POTEC: variants seen among roughly 807,000 people sequenced by gnomAD.
POTEC encodes the protein ANKRD26-like family B member 2.
Under a neutral mutation model 62.0 loss-of-function variants are expected in POTEC, and 35 were observed. The ratio of observed to expected loss-of-function variants is 0.56; its 90% CI spans 0.43 to 0.75. The LOEUF (loss-of-function observed/expected upper bound fraction) is 0.75. POTEC is among the 30% of genes least tolerant of loss of function. The probability of loss-of-function intolerance (pLI) is 0.00; values close to 1 mark genes in which losing one functional copy is unlikely to be tolerated. For synonymous variants in POTEC, 156 were observed against 221.5 expected (o/e 0.70, Z 2.62); for missense variants, 472 against 655.9 (o/e 0.72, Z 3.06).
intron 9 of POTEC, among the ~76,000 whole-genome samples, chr18:14,515,666 A>AAATC (rs1288011646): frequency 1.3e-5 from 2 of 151,098 alleles, no homozygotes; most frequent in Non-Finnish European, 2.9e-5. Flanking sequence ...ATAAATAAAT[A>AAATC]AATAAATAAA....
intron 6 of POTEC, among the ~76,000 whole-genome samples, chr18:14,526,005 G>C (rs1328660472): frequency 1.3e-5 from 2 of 151,962 alleles, no homozygotes; most frequent in Non-Finnish European, 2.9e-5. Flanking sequence ...TGGTTCAAAT[G>C]ATTCTCCTGT....
Position 14,510,968 on chromosome 18 carries a change from G to T in POTEC, c.*930C>A, listed in dbSNP as rs1174701976. On this transcript the variant is annotated 3_prime_UTR_variant, in exon 11 of 11. Coordinates refer to ENST00000358970, the MANE Select transcript of POTEC (RefSeq NM_001137671.2). ...GCAGTGAAGGTGGCTGGAGACCCTG[G>T]TTGAAAGGCTCCACCCAGTGATTAG... 6.6e-6 allele frequency: 1 copy of T among 152,242 alleles called. No homozygotes were observed. The highest frequency in any genetic ancestry group is 2.4e-5 in the African/African-American group (1 of 41,438). The allele number at this position is 152,242 out of a possible 1,614,324, so 9.4% of individuals were successfully genotyped here. A position where few individuals can be genotyped will look rare whatever the true frequency, so the allele number is the denominator to read the frequency against.
intron 9 of POTEC, 150 bp from the exon 10 acceptor site, chr18:14,513,935 C>T (rs1422571614): frequency 1.4e-6 from 2 of 1,469,066 alleles, no homozygotes; most frequent in African/African-American, 2.8e-5. Flanking sequence ...GTTAACCCTG[C>T]TCTCCCAGTC....
At chr18:14,536,147 T>G (rs1905706061) in intron 3 of POTEC, among the ~76,000 whole-genome samples, 1 of 150,820 alleles carries the variant, frequency 6.6e-6, no homozygotes. Flanking sequence ...CCACCAGAGC[T>G]TAGGGATGTC....
intron 10 of POTEC, 141 bp from the exon 11 acceptor site, chr18:14,512,134 A>G (rs1910025825): frequency 1.6e-6 from 1 of 632,926 alleles, no homozygotes; most frequent in Non-Finnish European, 2.6e-6. Context: ...AAGTTGGACA[A>G]AACTTCAAAT....
At chr18:14,537,208 CACAAAAAAAA>C (rs1380200894) in intron 3 of POTEC, among the ~76,000 whole-genome samples, 64 of 75,238 alleles carry the variant, frequency 8.5e-4, no homozygotes, top group Non-Finnish European at 1.2e-3. Flanking sequence ...CACACACACA[CACAAAAAAAA>C]AAAAAAACAA....
At position 14,508,892 on chromosome 18, in the gene POTEC, T is replaced by TGGACAG. The variant is rs1909917380; in HGVS notation, c.*3000_*3005dup. 1 of 152,262 alleles carries TGGACAG rather than the reference T, an allele frequency of 6.6e-6. No homozygotes were observed. The highest frequency in any genetic ancestry group is 2.4e-5 in the African/African-American group (1 of 41,474). 9.4% of individuals were successfully genotyped at this position (152,262 alleles called of 1,614,324 possible). ...TTCAATCTTTGAGGTTGCTGACCTT[T>TGGACAG]GGACAGGGTATTTTTCCTTTATTAT... is the stretch of plus-strand genomic sequence containing the variant. On this transcript the variant is annotated 3_prime_UTR_variant, in exon 11 of 11. Transcript: ENST00000358970.
At chr18:14,524,455 T>C (rs1400913220) in intron 7 of POTEC, among the ~76,000 whole-genome samples, 3 of 152,158 alleles carry the variant, frequency 2.0e-5, no homozygotes, top group Non-Finnish European at 4.4e-5. Flanking sequence ...GGACCTTCAG[T>C]GTTACATTGT....
At chr18:14,525,898 T>A (rs1176799275) in intron 6 of POTEC, among the ~76,000 whole-genome samples, 3 of 152,092 alleles carry the variant, frequency 2.0e-5, no homozygotes, top group Non-Finnish European at 4.4e-5. Context: ...TATTCATTTT[T>A]CTTTTTTTTT....
In POTEC at chr18:14,510,666, C is replaced by T. The variant is rs1909980095; in HGVS notation, c.*1232G>A. The T allele has an allele frequency of 6.6e-6, 1 of 152,176 alleles. No individual in the cohort carries two copies. The highest frequency in any genetic ancestry group is 2.1e-4 in the South Asian group (1 of 4,824). 9.4% of individuals were successfully genotyped at this position (152,176 alleles called of 1,614,324 possible). A position where few individuals can be genotyped will look rare whatever the true frequency, so the allele number is the denominator to read the frequency against. ...TCTGAGGTATGAACCTGTTGCCAATCTCAACACACCTGTAGGATGTGACTG... is the reference window on the plus strand; with the variant it reads ...TCTGAGGTATGAACCTGTTGCCAATTTCAACACACCTGTAGGATGTGACTG... On this transcript the variant is annotated 3_prime_UTR_variant, in exon 11 of 11. Coordinates refer to ENST00000358970, the MANE Select transcript of POTEC (RefSeq NM_001137671.2).
At position 14,543,073 on chromosome 18, in the gene POTEC, C is replaced by T. The variant is rs1454508403; in HGVS notation, c.74G>A (p.Gly25Asp). The change falls in exon 1 of 11, where the codon GGC becomes GAC. Residue 25 changes from glycine to aspartate, a missense_variant. Transcript: ENST00000358970. ...GGGGAAGCGGTGGTGAAACCACTTG[C>T]CCATCTTGCTCCTGAGATCGAATGG... Reference protein sequence around the residue: ...KKPFDLRSKMGKWFHHRFPCC... With the variant: ...KKPFDLRSKMDKWFHHRFPCC... 1.2e-6 allele frequency: 2 copies of T among 1,613,140 alleles called. No homozygotes were observed. Among genetic ancestry groups the T allele is most frequent in the African/African-American group, 2.7e-5 (2 of 74,248 alleles).
chr18:14,518,257 C>A (rs1342951441), intron 9 of POTEC, among the ~76,000 whole-genome samples: 1 of 151,440 alleles, frequency 6.6e-6, no homozygotes, highest in African/African-American at 2.4e-5. Flanking sequence ...GAAAAACACA[C>A]AATAACAACA....
At chr18:14,537,245 G>T (rs1245718927) in intron 3 of POTEC, among the ~76,000 whole-genome samples, 2 of 133,840 alleles carry the variant, frequency 1.5e-5, no homozygotes, top group African/African-American at 2.8e-5. Context: ...ACCTCTTCAT[G>T]GTCTTTTCCC....
At position 14,543,575 on chromosome 18, in the gene POTEC, C is replaced by T. The variant is rs1423627872; in HGVS notation, c.-429G>A. On this transcript the variant is annotated 5_prime_UTR_variant, in exon 1 of 11. Coordinates refer to ENST00000358970, the MANE Select transcript of POTEC (RefSeq NM_001137671.2). ...GCGAGGAACGCAAAGCGAAGCGTACCCGTTACAGGTAAGCCAAGCCGTTAT... is the reference window on the plus strand; with the variant it reads ...GCGAGGAACGCAAAGCGAAGCGTACTCGTTACAGGTAAGCCAAGCCGTTAT... The T allele has an allele frequency of 1.8e-5, 5 of 284,260 alleles. No individual in the cohort carries two copies. Among genetic ancestry groups the T allele is most frequent in the South Asian group, 3.9e-5 (1 of 25,848 alleles). 17.6% of individuals were successfully genotyped at this position (284,260 alleles called of 1,614,324 possible). A position where few individuals can be genotyped will look rare whatever the true frequency, so the allele number is the denominator to read the frequency against.
Position 14,542,825 on chromosome 18 carries a change from A to T in POTEC, c.322T>A (p.Cys108Ser), listed in dbSNP as rs773639636. The T allele has an allele frequency of 2.5e-6, 4 of 1,613,254 alleles. No individual in the cohort carries two copies. Among genetic ancestry groups the T allele is most frequent in the Non-Finnish European group, 3.4e-6 (4 of 1,179,612 alleles). Residue 108 changes from cysteine to serine, a missense_variant, in exon 1 of 11, where the codon TGC (cysteine) becomes AGC (serine). This residue lies in a region of POTEC where 257 missense variants were observed against 250.7 expected (regional missense o/e 1.03). Coordinates refer to ENST00000358970, the MANE Select transcript of POTEC (RefSeq NM_001137671.2). Reference sequence around the variant, plus strand: ...TTGCTCTTGCCGCTCCCCCTGCAGCAGGGGAAGCAGTGACAGCACCACTTG... The same window carrying T: ...TTGCTCTTGCCGCTCCCCCTGCAGCTGGGGAAGCAGTGACAGCACCACTTG... ...MGKWCCHCFP[C>S]CRGSGKSNVG...
At position 14,543,121 on chromosome 18, in the gene POTEC, G is replaced by A. The variant is rs767235206; in HGVS notation, c.26C>T (p.Pro9Leu). MVTEVCSM[P>L]AASAVKKPFD... ...TGGCTTCTTCACAGCAGAGGCAGCG[G>A]GCATTGAACAAACCTCAGTCACCAT... Residue 9 changes from proline to leucine, a missense_variant, in exon 1 of 11, where the codon CCC becomes CTC. By Grantham distance (98) the Pro-to-Leu change is moderately conservative (BLOSUM62 -3). Coordinates refer to ENST00000358970, the MANE Select transcript of POTEC (RefSeq NM_001137671.2). 1.1e-5 allele frequency: 17 copies of A among 1,613,826 alleles called. No individual in the cohort carries two copies. The highest frequency in any genetic ancestry group is 1.3e-5 in the Non-Finnish European group (15 of 1,179,876).
rs201944694 is a variant in POTEC, at chr18:14,535,288, A to ATT, written c.811-283_811-282dup. ...GCATTTGGCATGGCACTTTTGGATG[A>ATT]TTTTTTTTTTCATTTAAACAAAAAG... On this transcript the variant is annotated intron_variant, in intron 3 of 10. Transcript: ENST00000358970. 7.6e-3 allele frequency among the ~76,000 whole-genome samples: 1,075 copies of ATT among 141,124 alleles called. 18 individuals are homozygous for ATT. Among genetic ancestry groups the ATT allele is most frequent in the African/African-American group, 0.027 (997 of 37,042 alleles). The allele number at this position is 141,124 out of a possible 152,430, so 92.6% of individuals were successfully genotyped here. A position where few individuals can be genotyped will look rare whatever the true frequency, so the allele number is the denominator to read the frequency against.
chr18:14,525,706 G>A (rs1458752954), intron 6 of POTEC, among the ~76,000 whole-genome samples: 5 of 151,324 alleles, frequency 3.3e-5, no homozygotes, highest in Admixed American at 6.6e-5. Context: ...ATGCAAATCC[G>A]CTGAGCTGGT....
intron 8 of POTEC, among the ~76,000 whole-genome samples, chr18:14,522,624 T>C (rs1327766725): frequency 1.3e-5 from 2 of 152,164 alleles, no homozygotes; most frequent in Non-Finnish European, 2.9e-5. Flanking sequence ...ATTGAAATTT[T>C]TGTAAAGTCT....
Sources: allele counts gnomAD v4.1 joint callset (sites outside exome capture counted in the v4.1 genomes callset), GRCh38; gene constraint gnomAD v4.1.1; regional missense constraint gnomAD v4.1.1; transcripts MANE v1.5; gene names NCBI Gene and HGNC (gene_info 2026-07-23, HGNC 2026-07-21).